Variants in SPIDR observed in about 807,000 individuals in gnomAD.
SPIDR encodes the protein scaffold protein involved in DNA repair.
Under a neutral mutation model 104.6 loss-of-function variants are expected in SPIDR, and 93 were observed. The ratio of observed to expected loss-of-function variants is 0.89; its 90% confidence interval spans 0.75 to 1.06. SPIDR has a LOEUF of 1.06. Ranked by LOEUF, SPIDR falls within the 50% of genes least tolerant of loss-of-function variation. SPIDR has a pLI of 0.00. For synonymous variants in SPIDR, 431 were observed against 416.9 expected (o/e 1.03, Z -0.41); for missense variants, 1,154 against 1,111.2 (o/e 1.04, Z -0.55).
intron 8 of SPIDR, among the ~76,000 whole-genome samples, chr8:47,503,501 C>G (rs973703871): frequency 9.3e-5 from 14 of 151,070 alleles, no homozygotes; most frequent in Admixed American, 3.3e-4. Context: ...AGATCTTCCT[C>G]CATCCGTTTA....
chr8:47,655,066 T>G (rs2072482331), intron 10 of SPIDR, among the ~76,000 whole-genome samples: 1 of 152,220 alleles, frequency 6.6e-6, no homozygotes, highest in South Asian at 2.1e-4. Context: ...TCATCCTTTT[T>G]TATGGCTGCA....
chr8:47,576,101 A>G (rs1182550534), intron 8 of SPIDR, among the ~76,000 whole-genome samples: 3 of 151,624 alleles, frequency 2.0e-5, no homozygotes, highest in African/African-American at 7.2e-5. Context: ...TCTTTGAAGA[A>G]TAATAAACAT....
intron 5 of SPIDR, among the ~76,000 whole-genome samples, chr8:47,310,675 TA>T (rs1380249544): frequency 1.3e-5 from 2 of 152,174 alleles, no homozygotes; most frequent in Admixed American, 6.5e-5. Flanking sequence ...AAGACAGAGT[TA>T]GGGGTGACTC....
chr8:47,726,916 C>T (rs949444061), intron 16 of SPIDR, among the ~76,000 whole-genome samples: 6 of 152,176 alleles, frequency 3.9e-5, no homozygotes, highest in African/African-American at 1.4e-4. Flanking sequence ...AGGGCCGGCT[C>T]AGCTGTGGCG....
chr8:47,660,499 C>G, intron 10 of SPIDR: 2 of 985,478 alleles, frequency 2.0e-6, no homozygotes, highest in Non-Finnish European at 2.4e-6. Flanking sequence ...GGAATGGCAG[C>G]TGATGGCTGA....
At chr8:47,608,270 A>G (rs956395217) in intron 10 of SPIDR, among the ~76,000 whole-genome samples, 1 of 152,230 alleles carries the variant, frequency 6.6e-6, no homozygotes, top group Non-Finnish European at 1.5e-5. Flanking sequence ...GACATGTTTC[A>G]GTACTTCATT....
chr8:47,562,272 A>G (rs2057177926), intron 8 of SPIDR, among the ~76,000 whole-genome samples: 2 of 152,170 alleles, frequency 1.3e-5, no homozygotes, highest in South Asian at 4.1e-4. Context: ...AAGGTATCTA[A>G]TTTTAAATAG....
At chr8:47,269,840 T>C (rs34208379) in intron 1 of SPIDR, among the ~76,000 whole-genome samples, 1 of 151,958 alleles carries the variant, frequency 6.6e-6, no homozygotes, top group East Asian at 1.9e-4. Flanking sequence ...ACCTTCTATA[T>C]CTAGTTTGTT....
intron 1 of SPIDR, among the ~76,000 whole-genome samples, chr8:47,269,794 T>C (rs2034917588): frequency 6.6e-6 from 1 of 152,190 alleles, no homozygotes; most frequent in Admixed American, 6.5e-5. Context: ...AGCTGTGGGT[T>C]CTTTGTATAT....
intron 8 of SPIDR, among the ~76,000 whole-genome samples, chr8:47,478,597 A>C (rs1807231964): frequency 6.6e-6 from 1 of 152,224 alleles, no homozygotes; most frequent in Non-Finnish European, 1.5e-5. Flanking sequence ...CATTCATCCT[A>C]GCAAGGACAG....
chr8:47,613,160 C>G (rs1368891837), intron 10 of SPIDR, among the ~76,000 whole-genome samples: 1 of 152,204 alleles, frequency 6.6e-6, no homozygotes, highest in African/African-American at 2.4e-5. Flanking sequence ...CCACTAACCC[C>G]TTCCCCAGCC....
At chr8:47,698,103 G>T (rs2079616525) in intron 11 of SPIDR, among the ~76,000 whole-genome samples, 1 of 152,158 alleles carries the variant, frequency 6.6e-6, no homozygotes, top group South Asian at 2.1e-4. Flanking sequence ...TAAGCATAAT[G>T]AATTAATCTG....
chr8:47,590,753 CTG>C, intron 8 of SPIDR, among the ~76,000 whole-genome samples: 1 of 152,124 alleles, frequency 6.6e-6, no homozygotes, highest in Non-Finnish European at 1.5e-5. Context: ...ATGTTGATGT[CTG>C]CAATTCTAAT....
chr8:47,293,863 T>C lies in SPIDR; in HGVS notation c.362-4T>C. ...TTAAGCAAGTTAAAAATTATATTTT[T>C]TAGATGAATTACAGTTTATCGACTG... On this transcript the variant is annotated splice_region_variant and splice_polypyrimidine_tract_variant and intron_variant, in intron 4 of 19. Transcript: ENST00000297423. 1 of 1,598,236 alleles carries C rather than the reference T, an allele frequency of 6.3e-7. No individual in the cohort carries two copies. Among genetic ancestry groups the C allele is most frequent in the East Asian group, 2.2e-5 (1 of 44,802 alleles).
chr8:47,434,494 G>A (rs1372362143), intron 7 of SPIDR, among the ~76,000 whole-genome samples: 5 of 152,236 alleles, frequency 3.3e-5, no homozygotes, highest in Non-Finnish European at 5.9e-5. Context: ...GAGAGACAGA[G>A]CGATAATGTA....
At chr8:47,526,024 A>G (rs927715976) in intron 8 of SPIDR, among the ~76,000 whole-genome samples, 2 of 152,160 alleles carry the variant, frequency 1.3e-5, no homozygotes, top group African/African-American at 4.8e-5. Context: ...GAAGGAATCC[A>G]GAAGCATATA....
At chr8:47,625,277 A>G (rs2154437615) in intron 10 of SPIDR, among the ~76,000 whole-genome samples, 1 of 152,364 alleles carries the variant, frequency 6.6e-6, no homozygotes, top group East Asian at 1.9e-4. Flanking sequence ...CACAGCCAAT[A>G]TCATACTGAA....
chr8:47,312,172 G>A (rs1325263353), intron 5 of SPIDR, among the ~76,000 whole-genome samples: 1 of 152,166 alleles, frequency 6.6e-6, no homozygotes, highest in East Asian at 1.9e-4. Flanking sequence ...TAGTGCCGCA[G>A]TAAACATAGG....
chr8:47,344,459 T>C (rs2051450315), intron 5 of SPIDR, among the ~76,000 whole-genome samples: 1 of 152,214 alleles, frequency 6.6e-6, no homozygotes, highest in Non-Finnish European at 1.5e-5. Flanking sequence ...AATAGCATGA[T>C]TTATAATCCT....
Sources: gnomAD v4.1 joint callset for allele counts (sites outside exome capture counted in the v4.1 genomes callset) on GRCh38, gnomAD v4.1.1 for gene constraint, MANE v1.5 for transcripts, NCBI Gene and HGNC (gene_info 2026-07-23, HGNC 2026-07-21) for gene names.